The following TOP1MT variants were observed in gnomAD, a reference collection of about 807,000 sequenced individuals.
TOP1MT encodes the protein DNA topoisomerase I, mitochondrial.
In TOP1MT, 80 loss-of-function variants were observed where a neutral mutation model predicts 73.9. The ratio of observed to expected loss-of-function variants is 1.08; its 90% CI spans 0.90 to 1.30. The LOEUF (loss-of-function observed/expected upper bound fraction) is 1.30. Ranked by LOEUF, TOP1MT falls within the 50% of genes most tolerant of loss-of-function variation. TOP1MT has a pLI of 0.00. For missense variants in TOP1MT, 815 were observed against 808.0 expected (o/e 1.01, Z -0.10); for synonymous variants, 338 against 326.4 (o/e 1.04, Z -0.38).
At chr8:143,326,420 G>A in intron 3 of TOP1MT, 76 bp from the exon 4 acceptor site, 1 of 1,585,758 alleles carries the variant, frequency 6.3e-7, no homozygotes, top group Non-Finnish European at 8.6e-7. Flanking sequence ...ATGTCTGACG[G>A]ACAGAAACGC....
Position 143,309,486 on chromosome 8 carries a change from CCTCT to C in TOP1MT, c.1757_1760del (p.Glu586GlyfsTer21). The C allele has an allele frequency of 1.2e-6, 2 of 1,614,046 alleles. No homozygotes were observed. On this transcript the variant is annotated frameshift_variant, in exon 14 of 14. Transcript: ENST00000329245. LOFTEE classifies it high-confidence loss of function. ...CTGCCATGGCGAGAGCCCAGGCGAA[CCTCT>C]CCCGCTGTGTTTTGCTGTAGATCTT... is the stretch of plus-strand genomic sequence containing the variant.
chr8:143,315,910 G>C, intron 11 of TOP1MT, 89 bp from the exon 12 acceptor site: 2 of 1,606,502 alleles, frequency 1.2e-6, no homozygotes, highest in Non-Finnish European at 1.7e-6. Flanking sequence ...CGTGCCCACC[G>C]CAGCTGGCTC....
chr8:143,339,752 T>C (rs890866727), upstream of TOP1MT, among the ~76,000 whole-genome samples: 8 of 147,542 alleles, frequency 5.4e-5, no homozygotes, highest in Non-Finnish European at 9.0e-5. Context: ...GAAGTGGGCC[T>C]GTGCTGGTCT....
At chr8:143,322,034 TACAGATGCATGCCACACACACAG>T (rs1816430312) in intron 7 of TOP1MT, among the ~76,000 whole-genome samples, 1 of 37,558 alleles carries the variant, frequency 2.7e-5, no homozygotes, top group Non-Finnish European at 5.1e-5. Flanking sequence ...AGGCACGCCA[TACAGATGCATGCCACACACACAG>T]GCACGCCACA....
Position 143,334,827 on chromosome 8 carries a change from G to A in TOP1MT, c.35C>T (p.Ala12Val), listed in dbSNP as rs777786281. The A allele has an allele frequency of 6.8e-5, 104 of 1,533,538 alleles. 1 individual carries two copies. In the South Asian group the frequency reaches 1.1e-3, roughly 16 times the overall value. 95.0% of individuals were successfully genotyped at this position (1,533,538 alleles called of 1,614,324 possible). The change falls in exon 1 of 14, where the codon GCT becomes GTT. Residue 12 changes from alanine (A) to valine (V), a missense_variant. Transcript: ENST00000329245. ...GGGGACCTCCCCGAGCAGCGTCAGA[G>A]CCGCCCGGAGCCGCAGCAGCCGCAC... ...RVVRLLRLRAALTLLGEVPRR... is the reference protein window; with the variant it reads ...RVVRLLRLRAVLTLLGEVPRR...
chr8:143,316,768 G>A (rs1380591244), intron 10 of TOP1MT, among the ~76,000 whole-genome samples: 3 of 152,214 alleles, frequency 2.0e-5, no homozygotes, highest in Non-Finnish European at 2.9e-5. Flanking sequence ...CTACTGGAGC[G>A]GCCACTCCTT....
intron 12 of TOP1MT, chr8:143,310,446 C>A (rs1815981096): frequency 7.3e-6 from 3 of 410,306 alleles, no homozygotes; most frequent in Non-Finnish European, 1.3e-5. Context: ...GGGTGAGCAG[C>A]CCGTCAGGAC....
intron 2 of TOP1MT, among the ~76,000 whole-genome samples, chr8:143,342,393 G>GTTA (rs1271472824): frequency 1.7e-4 from 14 of 81,796 alleles, no homozygotes; most frequent in African/African-American, 8.6e-5. Flanking sequence ...GAGCCTCGCT[G>GTTA]TTATTATTAT....
In TOP1MT at chr8:143,324,566, G is replaced by A. The variant is rs573988690; in HGVS notation, c.735C>T (p.Thr245=). 45 of 1,613,680 alleles carry A rather than the reference G, an allele frequency of 2.8e-5. 1 individual carries two copies. Among genetic ancestry groups the A allele is most frequent in the South Asian group, 6.6e-5 (6 of 91,092 alleles). Residue 245 remains threonine (T), a synonymous_variant, in exon 6 of 14, where the codon ACC becomes ACT. Transcript: ENST00000329245. ...CGGTCCAAGCTGCCAGCCACGTGAC[G>A]GTGTTATCGGAGCGCACCTCCTTCC... The part of the protein sequence containing the change: ...HQWKEVRSDN[T]VTWLAAWTES...
intron 12 of TOP1MT, among the ~76,000 whole-genome samples, chr8:143,313,063 A>T (rs115926806): frequency 0.02 from 3,119 of 152,278 alleles, 110 homozygotes; most frequent in African/African-American, 0.071. Context: ...CATGCAAGAG[A>T]ATGACCCTGG....
At chr8:143,351,089 C>T (rs958612212) in intron 1 of TOP1MT, among the ~76,000 whole-genome samples, 8 of 152,194 alleles carry the variant, frequency 5.3e-5, no homozygotes, top group African/African-American at 1.9e-4. Flanking sequence ...ATCACCCTGG[C>T]CTGCCTTCAG....
At chr8:143,332,066 G>A (rs976924033) in intron 1 of TOP1MT, among the ~76,000 whole-genome samples, 1 of 151,566 alleles carries the variant, frequency 6.6e-6, no homozygotes, top group African/African-American at 2.4e-5. Context: ...TTGGGGGGGT[G>A]TTGGAGGGGG....
chr8:143,329,567 T>C, intron 2 of TOP1MT, 96 bp from the exon 3 acceptor site: 1 of 1,437,186 alleles, frequency 7.0e-7, no homozygotes, highest in Non-Finnish European at 9.4e-7. Context: ...CTTTCGTGCG[T>C]ACTATGCCAA....
At chr8:143,324,375 T>G in intron 6 of TOP1MT, 110 bp downstream of exon 6, 1 of 1,521,898 alleles carries the variant, frequency 6.6e-7, no homozygotes, top group Non-Finnish European at 8.9e-7. Flanking sequence ...GCTGGCCGAC[T>G]CCCAGCCCAT....
chr8:143,321,544 CCACA>C (rs1348281116), intron 7 of TOP1MT, among the ~76,000 whole-genome samples, 158 bp from the exon 8 acceptor site: 5 of 112,422 alleles, frequency 4.4e-5, no homozygotes, highest in Admixed American at 9.8e-5. Context: ...CACACGCACG[CCACA>C]CACGCACGCC....
upstream of TOP1MT, among the ~76,000 whole-genome samples, chr8:143,358,266 C>T (rs866105270): frequency 5.3e-5 from 8 of 152,250 alleles, no homozygotes; most frequent in Middle Eastern, 3.4e-3. Flanking sequence ...CAAAGAAATA[C>T]GCTCCTGTAA....
chr8:143,322,569 ACGC>A (rs1314554135), intron 7 of TOP1MT, among the ~76,000 whole-genome samples: 3 of 116,674 alleles, frequency 2.6e-5, no homozygotes, highest in Non-Finnish European at 5.1e-5. Context: ...ACACACAGAC[ACGC>A]CACACACATG....
intron 5 of TOP1MT, 36 bp downstream of exon 5, chr8:143,325,310 G>A (rs769805238): frequency 1.9e-6 from 3 of 1,560,166 alleles, no homozygotes; most frequent in African/African-American, 2.7e-5. Context: ...GGTGGCGGGG[G>A]TCCAGTGCCC....
chr8:143,351,206 C>G (rs181305264), intron 1 of TOP1MT, among the ~76,000 whole-genome samples: 55 of 152,322 alleles, frequency 3.6e-4, no homozygotes, highest in Non-Finnish European at 7.2e-4. Flanking sequence ...CAATCTCTCT[C>G]CCCTACTGCA....
Sources: gnomAD v4.1 joint callset for allele counts (sites outside exome capture counted in the v4.1 genomes callset) on GRCh38, gnomAD v4.1.1 for gene constraint, MANE v1.5 for transcripts, NCBI Gene and HGNC (gene_info 2026-07-23, HGNC 2026-07-21) for gene names.